The following RFTN2 variants were observed in gnomAD, a reference collection of about 807,000 sequenced individuals.
The protein encoded by RFTN2 is raftlin-2.
RFTN2 carries 34 observed loss-of-function variants against 52.7 expected under a neutral mutation model. The ratio of observed to expected loss-of-function variants is 0.64; its 90% CI spans 0.49 to 0.86. The LOEUF (loss-of-function observed/expected upper bound fraction) is 0.86, where lower values mean the gene tolerates loss of function less well. RFTN2 is among the 40% of genes least tolerant of loss of function. The probability of loss-of-function intolerance (pLI) is 0.00; values close to 1 mark genes in which losing one functional copy is unlikely to be tolerated. For synonymous variants in RFTN2, 203 were observed against 217.7 expected, an observed-to-expected ratio of 0.93 and a Z score of 0.59; for missense variants, 536 against 600.1, an observed-to-expected ratio of 0.89 and a Z score of 1.12.
At chr2:197,631,859 G>A (rs944254992) in intron 4 of RFTN2, among the ~76,000 whole-genome samples, 10 of 152,152 alleles carry the variant, frequency 6.6e-5, no homozygotes, top group African/African-American at 2.4e-4. Flanking sequence ...ACCTATGTTT[G>A]TGTTTTAGGA....
intron 7 of RFTN2, among the ~76,000 whole-genome samples, chr2:197,599,250 T>C (rs2087842989): frequency 6.6e-6 from 1 of 152,206 alleles, no homozygotes; most frequent in Non-Finnish European, 1.5e-5. Context: ...TACCATATTC[T>C]TCTAATGTGA....
chr2:197,641,634 T>C (rs1465300780), intron 3 of RFTN2, among the ~76,000 whole-genome samples: 1 of 152,262 alleles, frequency 6.6e-6, no homozygotes, highest in Non-Finnish European at 1.5e-5. Flanking sequence ...ATGTTATTTT[T>C]AGTTTAAAAT....
At chr2:197,599,335 C>A (rs2087845374) in intron 7 of RFTN2, among the ~76,000 whole-genome samples, 1 of 152,184 alleles carries the variant, frequency 6.6e-6, no homozygotes, top group South Asian at 2.1e-4. Flanking sequence ...ACATATTTTT[C>A]ACCATCTTTA....
chr2:197,574,849 CAA>C (rs946619818), intron 8 of RFTN2, among the ~76,000 whole-genome samples: 1 of 149,896 alleles, frequency 6.7e-6, no homozygotes, highest in African/African-American at 2.5e-5. Flanking sequence ...GCCTGGGCAA[CAA>C]GAGAAAGACT....
intron 1 of RFTN2, among the ~76,000 whole-genome samples, chr2:197,671,282 A>G (rs1450750838): frequency 1.3e-5 from 2 of 152,164 alleles, no homozygotes; most frequent in African/African-American, 4.8e-5. Flanking sequence ...AACTTACTCC[A>G]ATCTCTTAAT....
intron 5 of RFTN2, among the ~76,000 whole-genome samples, chr2:197,625,363 T>C (rs2106223766): frequency 6.6e-6 from 1 of 152,290 alleles, no homozygotes; most frequent in Middle Eastern, 3.4e-3. Flanking sequence ...TCTTGTCTTT[T>C]AGCTGGATAT....
intron 8 of RFTN2, among the ~76,000 whole-genome samples, chr2:197,576,183 T>A (rs1382860065): frequency 1.3e-5 from 2 of 151,912 alleles, no homozygotes; most frequent in African/African-American, 4.8e-5. Context: ...AATTTTTGTG[T>A]TATTAGTAGA....
At chr2:197,578,705 C>T (rs1356916938) in intron 8 of RFTN2, among the ~76,000 whole-genome samples, 1 of 152,184 alleles carries the variant, frequency 6.6e-6, no homozygotes, top group African/African-American at 2.4e-5. Context: ...CCGCCTGCAC[C>T]CAGGTGATTA....
chr2:197,599,760 G>C (rs1012082046), intron 7 of RFTN2, among the ~76,000 whole-genome samples: 2 of 152,212 alleles, frequency 1.3e-5, no homozygotes, highest in Non-Finnish European at 2.9e-5. Flanking sequence ...AGCTACTTCA[G>C]TGAGGCAAGA....
chr2:197,674,512 A>G (rs1444968442), intron 1 of RFTN2, among the ~76,000 whole-genome samples: 1 of 152,082 alleles, frequency 6.6e-6, no homozygotes, highest in Non-Finnish European at 1.5e-5. Flanking sequence ...CTAATATCTG[A>G]TAACTTTAAC....
intron 8 of RFTN2, among the ~76,000 whole-genome samples, chr2:197,591,324 A>G (rs2087709300): frequency 1.3e-5 from 2 of 152,164 alleles, no homozygotes; most frequent in South Asian, 4.1e-4. Flanking sequence ...CTAGATACAG[A>G]GTGCCAATTG....
chr2:197,592,945 G>A (rs1181688732), intron 8 of RFTN2, among the ~76,000 whole-genome samples: 4 of 152,164 alleles, frequency 2.6e-5, no homozygotes, highest in African/African-American at 9.7e-5. Flanking sequence ...TTGCAAATCA[G>A]CTTTCTGTTA....
intron 8 of RFTN2, among the ~76,000 whole-genome samples, chr2:197,584,225 C>T (rs1029735154): frequency 4.6e-5 from 7 of 152,154 alleles, no homozygotes; most frequent in Non-Finnish European, 7.3e-5. Context: ...ATGGTTGAAC[C>T]AGTTTACAGT....
At position 197,609,365 on chromosome 2, in the gene RFTN2, G is replaced by T. The variant is rs112469737; in HGVS notation, c.1154+6511C>A. Among the ~76,000 whole-genome samples the T allele has an allele frequency of 9.1e-3, 1,391 of 152,234 alleles. 26 individuals are homozygous for T. The highest frequency in any genetic ancestry group is 0.032 in the African/African-American group (1,323 of 41,528). On this transcript the variant is annotated intron_variant, in intron 7 of 8. Coordinates refer to ENST00000295049, the MANE Select transcript of RFTN2 (RefSeq NM_144629.3). ...TGGTATCTCATTATGCTTTTGATTT[G>T]CATTTCTATAATGACCAGTGATGAT...
intron 6 of RFTN2, 43 bp from the exon 7 acceptor site, chr2:197,616,022 C>T (rs781691198): frequency 4.4e-6 from 5 of 1,139,318 alleles, no homozygotes; most frequent in South Asian, 1.3e-5. Context: ...ATGGCAAAGA[C>T]AACCAACTAC....
intron 1 of RFTN2, among the ~76,000 whole-genome samples, chr2:197,665,517 C>CCTTTTTTTTT (rs2089039428): frequency 2.4e-5 from 1 of 41,496 alleles, no homozygotes; most frequent in Non-Finnish European, 4.5e-5. Context: ...TGTACCTTGC[C>CCTTTTTTTTT]TTTTTTTTTT....
chr2:197,588,920 G>T (rs1574684628), intron 8 of RFTN2, among the ~76,000 whole-genome samples: 1 of 152,048 alleles, frequency 6.6e-6, no homozygotes, highest in South Asian at 2.1e-4. Flanking sequence ...AATCTCATGA[G>T]ATCTGATGGT....
chr2:197,582,336 T>C (rs901868990), intron 8 of RFTN2, among the ~76,000 whole-genome samples: 1 of 152,228 alleles, frequency 6.6e-6, no homozygotes, highest in Admixed American at 6.5e-5. Context: ...GACTTCAATC[T>C]GGCCTCCCAC....
chr2:197,608,695 C>G (rs542123973), intron 7 of RFTN2, among the ~76,000 whole-genome samples: 52 of 144,994 alleles, frequency 3.6e-4, no homozygotes, highest in Non-Finnish European at 7.5e-5. Flanking sequence ...AGGTTTGTTA[C>G]ACAGGTATAA....
Sources: gnomAD v4.1 joint callset for allele counts (sites outside exome capture counted in the v4.1 genomes callset) on GRCh38, gnomAD v4.1.1 for gene constraint, MANE v1.5 for transcripts, NCBI Gene and HGNC (gene_info 2026-07-23, HGNC 2026-07-21) for gene names.